PDE3A: variants seen among roughly 807,000 people sequenced by gnomAD.
PDE3A encodes the protein cGMP-inhibited 3',5'-cyclic phosphodiesterase 3A.
In PDE3A, 43 loss-of-function variants were observed where a neutral mutation model predicts 98.3. The observed-to-expected ratio is 0.44, with a 90% CI of 0.34 to 0.56. PDE3A has a LOEUF of 0.56. Ranked by LOEUF, PDE3A falls within the 20% of genes least tolerant of loss-of-function variation. PDE3A has a pLI of 0.01. For missense variants in PDE3A, 1,427 were observed against 1,440.7 expected (o/e 0.99, Z 0.15); for synonymous variants, 663 against 567.9 (o/e 1.17, Z -2.38).
intron 1 of PDE3A, among the ~76,000 whole-genome samples, chr12:20,522,199 A>G (rs1228682376): frequency 6.6e-6 from 1 of 152,110 alleles, no homozygotes; most frequent in Non-Finnish European, 1.5e-5. Flanking sequence ...CTGCTCTCTC[A>G]TGTGCTTGCG....
chr12:20,683,518 T>G lies in PDE3A; in HGVS notation c.*3247T>G, dbSNP rs1399805874. Reference sequence around the variant, plus strand: ...AGTAAGAGACCAGGTGTATTCTGAGTGTCATCAGTGTTATTTTCAGCATGC... The same window carrying G: ...AGTAAGAGACCAGGTGTATTCTGAGGGTCATCAGTGTTATTTTCAGCATGC... On this transcript the variant is annotated 3_prime_UTR_variant, in exon 16 of 16. Transcript: ENST00000359062. The G allele has an allele frequency of 6.6e-6, 1 of 152,138 alleles. No individual in the cohort carries two copies. Among genetic ancestry groups the G allele is most frequent in the African/African-American group, 2.4e-5 (1 of 41,454 alleles). The allele number at this position is 152,138 out of a possible 1,614,324, so 9.4% of individuals were successfully genotyped here. A position where few individuals can be genotyped will look rare whatever the true frequency, so the allele number is the denominator to read the frequency against.
At chr12:20,606,086 G>T (rs2121425278) in intron 2 of PDE3A, among the ~76,000 whole-genome samples, 1 of 152,236 alleles carries the variant, frequency 6.6e-6, no homozygotes, top group African/African-American at 2.4e-5. Context: ...CCAGGTGCTA[G>T]ATAATCTCCT....
intron 1 of PDE3A, among the ~76,000 whole-genome samples, chr12:20,389,320 T>C (rs1943870694): frequency 6.6e-6 from 1 of 151,864 alleles, no homozygotes; most frequent in Non-Finnish European, 1.5e-5. Flanking sequence ...ATGCAATTTT[T>C]CCATAAAACT....
chr12:20,527,526 C>A (rs1037040455), intron 1 of PDE3A, among the ~76,000 whole-genome samples: 5 of 152,130 alleles, frequency 3.3e-5, no homozygotes, highest in African/African-American at 1.2e-4. Context: ...GTCCTCTCTC[C>A]TCCCAACCTA....
At chr12:20,639,410 C>T (rs73236378) in intron 9 of PDE3A, among the ~76,000 whole-genome samples, 4,474 of 152,068 alleles carry the variant, frequency 0.029, 241 homozygotes, top group African/African-American at 0.1. Context: ...AAACTTTGAA[C>T]AAATGTAGTT....
intron 1 of PDE3A, among the ~76,000 whole-genome samples, chr12:20,445,662 T>C (rs1440961306): frequency 2.6e-5 from 4 of 152,192 alleles, no homozygotes; most frequent in Non-Finnish European, 5.9e-5. Flanking sequence ...AACATGGGAA[T>C]ATGGCCTCAC....
At chr12:20,522,971 G>C (rs1239527848) in intron 1 of PDE3A, among the ~76,000 whole-genome samples, 7 of 151,972 alleles carry the variant, frequency 4.6e-5, no homozygotes, top group Non-Finnish European at 7.4e-5. Context: ...TCATATAAAT[G>C]GTATTTTAAA....
At chr12:20,653,623 G>T (rs1212311547) in intron 14 of PDE3A, among the ~76,000 whole-genome samples, 1 of 152,146 alleles carries the variant, frequency 6.6e-6, no homozygotes, top group African/African-American at 2.4e-5. Context: ...TGGGATTACA[G>T]GCGTGAGCCA....
At chr12:20,474,286 G>A (rs543824040) in intron 1 of PDE3A, among the ~76,000 whole-genome samples, 36 of 152,032 alleles carry the variant, frequency 2.4e-4, no homozygotes, top group African/African-American at 6.8e-4. Context: ...GTTTGTCTTC[G>A]TATTATTTCA....
At chr12:20,547,212 G>C (rs1942082815) in intron 1 of PDE3A, among the ~76,000 whole-genome samples, 1 of 151,830 alleles carries the variant, frequency 6.6e-6, no homozygotes, top group Admixed American at 6.6e-5. Context: ...ACTTACCTCT[G>C]CTTCCAGCCC....
At chr12:20,606,981 G>A (rs957819006) in intron 2 of PDE3A, among the ~76,000 whole-genome samples, 10 of 151,586 alleles carry the variant, frequency 6.6e-5, no homozygotes, top group African/African-American at 2.4e-4. Flanking sequence ...AGACTTTCTG[G>A]GCCTTTGGTT....
At chr12:20,655,070 A>G (rs1945013168) in intron 15 of PDE3A, among the ~76,000 whole-genome samples, 1 of 152,174 alleles carries the variant, frequency 6.6e-6, no homozygotes, top group African/African-American at 2.4e-5. Flanking sequence ...TTCTAGTGGG[A>G]TCAGTAGACA....
intron 10 of PDE3A, among the ~76,000 whole-genome samples, chr12:20,640,354 G>A (rs939288172): frequency 1.3e-5 from 2 of 151,938 alleles, no homozygotes; most frequent in African/African-American, 4.8e-5. Context: ...TAAATTTATT[G>A]CCCATTTAAT....
intron 4 of PDE3A, among the ~76,000 whole-genome samples, chr12:20,616,996 A>C (rs1248473540): frequency 6.6e-6 from 1 of 151,756 alleles, no homozygotes; most frequent in African/African-American, 2.4e-5. Flanking sequence ...AGCTAAGGAA[A>C]GTGCATTTAG....
Position 20,688,309 on chromosome 12 carries a change from A to G in PDE3A, c.*8038A>G, listed in dbSNP as rs1480408860. On this transcript the variant is annotated 3_prime_UTR_variant, in exon 16 of 16. Coordinates refer to ENST00000359062, the MANE Select transcript of PDE3A (RefSeq NM_000921.5). Reference sequence around the variant, plus strand: ...GTATCATCCCATCACAAGTATTGTTAGGCGACTTAGTGGCGGAGAAATGTT... The same window carrying G: ...GTATCATCCCATCACAAGTATTGTTGGGCGACTTAGTGGCGGAGAAATGTT... Among the ~76,000 whole-genome samples the G allele has an allele frequency of 6.6e-6, 1 of 152,016 alleles. No individual in the cohort carries two copies. The highest frequency in any genetic ancestry group is 1.5e-5 in the Non-Finnish European group (1 of 67,942).
At chr12:20,541,274 TA>T in intron 1 of PDE3A, among the ~76,000 whole-genome samples, 1 of 151,692 alleles carries the variant, frequency 6.6e-6, no homozygotes, top group Middle Eastern at 3.4e-3. Flanking sequence ...ATTTTTAAAA[TA>T]TTTTTTGTAG....
chr12:20,526,127 G>C (rs907553345), intron 1 of PDE3A, among the ~76,000 whole-genome samples: 4 of 152,170 alleles, frequency 2.6e-5, no homozygotes, highest in African/African-American at 9.7e-5. Flanking sequence ...TGAGACCTCT[G>C]TGGTGACATG....
chr12:20,565,083 A>G (rs1427429315), intron 2 of PDE3A, among the ~76,000 whole-genome samples: 1 of 152,122 alleles, frequency 6.6e-6, no homozygotes, highest in East Asian at 1.9e-4. Context: ...GTTTCTGACC[A>G]CTGTTGCAGT....
chr12:20,545,083 A>G (rs1942015387), intron 1 of PDE3A, among the ~76,000 whole-genome samples: 1 of 152,076 alleles, frequency 6.6e-6, no homozygotes, highest in Non-Finnish European at 1.5e-5. Context: ...ATGTGATTAC[A>G]TTATTATTAA....
Sources: gnomAD v4.1 joint callset for allele counts (sites outside exome capture counted in the v4.1 genomes callset) on GRCh38, gnomAD v4.1.1 for gene constraint, MANE v1.5 for transcripts, NCBI Gene and HGNC (gene_info 2026-07-23, HGNC 2026-07-21) for gene names.